Variants in POFUT3 observed in about 807,000 individuals in gnomAD.
The protein encoded by POFUT3 is GDP-fucose protein O-fucosyltransferase 3.
At chr8:33,461,760 G>T in the POFUT3 span, 1 of 861,622 alleles carries the variant, frequency 1.2e-6, no homozygotes, top group Non-Finnish European at 1.6e-6. Flanking sequence ...CCATAGCGCA[G>T]ATTTAATAAA....
chr8:33,443,588 G>A, the POFUT3 span, among the ~76,000 whole-genome samples: 1,405 of 152,258 alleles, frequency 9.2e-3, 19 homozygotes, highest in African/African-American at 0.032. Flanking sequence ...TGCCTCCCGG[G>A]TTCAAGTGAT....
chr8:33,419,906 T>A, the POFUT3 span, among the ~76,000 whole-genome samples: 3 of 152,152 alleles, frequency 2.0e-5, no homozygotes, highest in Non-Finnish European at 4.4e-5. Flanking sequence ...GGCAGACAGA[T>A]CCCTTGAGAC....
the POFUT3 span, among the ~76,000 whole-genome samples, chr8:33,416,454 G>A: frequency 6.6e-6 from 1 of 152,068 alleles, no homozygotes; most frequent in Non-Finnish European, 1.5e-5. Context: ...GCGCACACCT[G>A]TAATCCCAGC....
the POFUT3 span, among the ~76,000 whole-genome samples, chr8:33,376,440 A>G: frequency 2.6e-5 from 4 of 152,208 alleles, no homozygotes; most frequent in African/African-American, 9.6e-5. Flanking sequence ...AGAGGTGATG[A>G]CTTTGAGTGA....
chr8:33,442,312 G>C, the POFUT3 span, among the ~76,000 whole-genome samples: 3 of 145,102 alleles, frequency 2.1e-5, no homozygotes, highest in Admixed American at 1.4e-4. Context: ...GGGGGGGACA[G>C]AGTCTTGCTC....
At chr8:33,405,853 G>A in the POFUT3 span, among the ~76,000 whole-genome samples, 1 of 152,144 alleles carries the variant, frequency 6.6e-6, no homozygotes, top group Non-Finnish European at 1.5e-5. Context: ...GTTAAAAGCA[G>A]AGCAAAGTCC....
chr8:33,379,968 T>C, the POFUT3 span, among the ~76,000 whole-genome samples: 1 of 104,930 alleles, frequency 9.5e-6, no homozygotes, highest in East Asian at 2.5e-4. Flanking sequence ...ATATATACAC[T>C]ATATATACAC....
the POFUT3 span, among the ~76,000 whole-genome samples, chr8:33,456,161 C>G: frequency 2.0e-5 from 3 of 152,106 alleles, no homozygotes; most frequent in Non-Finnish European, 4.4e-5. Context: ...ATCTGACCTT[C>G]TTCCCCTGCA....
chr8:33,359,189 G>T, the POFUT3 span, among the ~76,000 whole-genome samples: 2 of 152,150 alleles, frequency 1.3e-5, no homozygotes, highest in Non-Finnish European at 2.9e-5. Flanking sequence ...TTATCAATTG[G>T]TGAATCTAAC....
the POFUT3 span, among the ~76,000 whole-genome samples, chr8:33,311,454 G>C: frequency 6.6e-6 from 1 of 152,168 alleles, no homozygotes; most frequent in African/African-American, 2.4e-5. Flanking sequence ...GTAAGGGAAA[G>C]GGGATAACCA....
At chr8:33,320,056 A>T in the POFUT3 span, among the ~76,000 whole-genome samples, 1 of 151,752 alleles carries the variant, frequency 6.6e-6, no homozygotes, top group Non-Finnish European at 1.5e-5. Context: ...GCCTAGAAAG[A>T]CTATATTAAG....
chr8:33,381,808 A>G, the POFUT3 span, among the ~76,000 whole-genome samples: 1 of 152,214 alleles, frequency 6.6e-6, no homozygotes. Context: ...CTTTACCAAA[A>G]GCATCCAGAT....
At chr8:33,456,598 G>A in the POFUT3 span, among the ~76,000 whole-genome samples, 273 of 151,584 alleles carry the variant, frequency 1.8e-3, no homozygotes, top group Non-Finnish European at 2.7e-3. Flanking sequence ...TATTACCTTC[G>A]GATATCACTA....
At chr8:33,466,342 T>C in the POFUT3 span, among the ~76,000 whole-genome samples, 1 of 151,938 alleles carries the variant, frequency 6.6e-6, no homozygotes, top group African/African-American at 2.4e-5. Context: ...AGCAGGAGAA[T>C]CACCTGAGCC....
chr8:33,417,765 T>C, the POFUT3 span, among the ~76,000 whole-genome samples: 1 of 150,934 alleles, frequency 6.6e-6, no homozygotes, highest in African/African-American at 2.4e-5. Flanking sequence ...TTCAAATAGA[T>C]CATCTAGGAA....
At chr8:33,436,682 C>T in the POFUT3 span, 5 of 794,632 alleles carry the variant, frequency 6.3e-6, no homozygotes, top group East Asian at 5.3e-5. Context: ...GGCACGTTTC[C>T]GATGAACAGC....
chr8:33,398,554 A>G, the POFUT3 span, among the ~76,000 whole-genome samples: 1 of 152,168 alleles, frequency 6.6e-6, no homozygotes, highest in African/African-American at 2.4e-5. Context: ...CTTTTTGGAA[A>G]TACATGGTCA....
At chr8:33,452,643 T>C in the POFUT3 span, 952 of 147,042 alleles carry the variant, frequency 6.5e-3, 10 homozygotes, top group Non-Finnish European at 6.1e-3. Flanking sequence ...CACATGTATA[T>C]ATAACTCCTA....
the POFUT3 span, chr8:33,338,939 G>A: frequency 2.0e-5 from 3 of 152,026 alleles, no homozygotes; most frequent in South Asian, 6.2e-4. Context: ...AGGATGTCGT[G>A]CAAATTCATG....
Sources: gnomAD v4.1 joint callset for allele counts (sites outside exome capture counted in the v4.1 genomes callset) on GRCh38, gnomAD v4.1.1 for gene constraint, MANE v1.5 for transcripts, NCBI Gene and HGNC (gene_info 2026-07-23, HGNC 2026-07-21) for gene names.